NUS1: variants seen among roughly 807,000 people sequenced by gnomAD.
NUS1 encodes the protein dehydrodolichyl diphosphate synthase complex subunit NUS1.
For missense variants in NUS1, 292 were observed against 382.9 expected (o/e 0.76, Z 1.98); for synonymous variants, 135 against 155.2 (o/e 0.87, Z 0.97).
At chr6:117,693,395 G>T (rs1398339706) in intron 2 of NUS1, among the ~76,000 whole-genome samples, 1 of 152,096 alleles carries the variant, frequency 6.6e-6, no homozygotes, top group Admixed American at 6.5e-5. Context: ...GTTCCACAGA[G>T]AATCCATAGA....
chr6:117,683,262 G>GTA (rs1312184967), intron 1 of NUS1, among the ~76,000 whole-genome samples: 7 of 152,122 alleles, frequency 4.6e-5, no homozygotes, highest in African/African-American at 1.7e-4. Flanking sequence ...TCTTACTACA[G>GTA]CACTGCAGTA....
At chr6:117,705,168 T>C (rs1258676009) in intron 4 of NUS1, among the ~76,000 whole-genome samples, 3 of 152,186 alleles carry the variant, frequency 2.0e-5, no homozygotes, top group Non-Finnish European at 2.9e-5. Flanking sequence ...AGAGACATTG[T>C]TCAAGCTTGT....
intron 1 of NUS1, among the ~76,000 whole-genome samples, chr6:117,688,446 G>A (rs1477718558): frequency 1.1e-5 from 1 of 88,748 alleles, no homozygotes; most frequent in Non-Finnish European, 3.0e-5. Flanking sequence ...TCAAGAAGGA[G>A]GACTTTTTTT....
At chr6:117,703,542 CTGTGTG>C in intron 3 of NUS1, 57 bp from the exon 4 acceptor site, 4 of 1,100,752 alleles carry the variant, frequency 3.6e-6, no homozygotes, top group South Asian at 1.3e-5. Context: ...CTGTGTGTTT[CTGTGTG>C]TGTGTGTGTG....
At chr6:117,695,767 T>C (rs564841384) in intron 3 of NUS1, among the ~76,000 whole-genome samples, 12 of 152,314 alleles carry the variant, frequency 7.9e-5, no homozygotes, top group Admixed American at 2.0e-4. Flanking sequence ...TTTCTGACTA[T>C]ACTTTCGCTT....
chr6:117,676,064 A>G lies in NUS1; in HGVS notation c.394A>G (p.Ile132Val), dbSNP rs760775977. ...GTGTATGGCCGTGGGCATCTCCTAC[A>G]TTAGCGTCTACGACCACCAAGGTGA... is the stretch of plus-strand genomic sequence containing the variant. ...VWCMAVGISY[I>V]SVYDHQGIFK... The change falls in exon 1 of 5, where the codon ATT (isoleucine) becomes GTT (valine). Residue 132 changes from isoleucine (I) to valine (V), a missense_variant. Physicochemically the swap from Ile to Val is conservative, Grantham distance 29 (BLOSUM62 3). Coordinates refer to ENST00000368494, the MANE Select transcript of NUS1 (RefSeq NM_138459.5). 7.1e-6 allele frequency: 11 copies of G among 1,550,676 alleles called. No homozygotes were observed. In the South Asian group the frequency reaches 7.1e-5, roughly 10 times the overall value.
chr6:117,680,868 T>A (rs906228826), intron 1 of NUS1, among the ~76,000 whole-genome samples: 1 of 152,336 alleles, frequency 6.6e-6, no homozygotes, highest in Admixed American at 6.5e-5. Flanking sequence ...TTTCTAGTGC[T>A]ATTTCCTTAG....
intron 1 of NUS1, among the ~76,000 whole-genome samples, chr6:117,677,064 T>A (rs997731025): frequency 2.0e-5 from 3 of 152,152 alleles, no homozygotes; most frequent in Non-Finnish European, 4.4e-5. Flanking sequence ...CTCTCATATG[T>A]TTTGATTGAG....
At chr6:117,684,771 C>G (rs1054217019) in intron 1 of NUS1, among the ~76,000 whole-genome samples, 2 of 152,018 alleles carry the variant, frequency 1.3e-5, no homozygotes, top group South Asian at 2.1e-4. Flanking sequence ...TAGCAATCAC[C>G]TGGGGAAGTA....
chr6:117,701,284 G>T (rs1320600018), intron 3 of NUS1, among the ~76,000 whole-genome samples: 5 of 141,430 alleles, frequency 3.5e-5, no homozygotes, highest in East Asian at 4.2e-4. Flanking sequence ...TCGCTCTGTC[G>T]CCCAGGCTGG....
intron 1 of NUS1, among the ~76,000 whole-genome samples, chr6:117,686,972 G>A (rs1183894041): frequency 6.6e-6 from 1 of 151,870 alleles, no homozygotes; most frequent in East Asian, 1.9e-4. Flanking sequence ...ATTTCTGGGT[G>A]GGGGTCAAGT....
chr6:117,681,204 T>A (rs35957877), intron 1 of NUS1, among the ~76,000 whole-genome samples: 4,282 of 152,320 alleles, frequency 0.028, 70 homozygotes, highest in Non-Finnish European at 0.04. Context: ...CTGAATCTCC[T>A]CAGAACTTCA....
intron 1 of NUS1, among the ~76,000 whole-genome samples, chr6:117,679,299 C>T (rs893762047): frequency 2.6e-5 from 4 of 152,118 alleles, no homozygotes; most frequent in African/African-American, 4.8e-5. Context: ...TTGGGATTGG[C>T]GTGAACAGTG....
chr6:117,702,883 G>A (rs1450904283), intron 3 of NUS1, among the ~76,000 whole-genome samples: 1 of 151,996 alleles, frequency 6.6e-6, no homozygotes, highest in Non-Finnish European at 1.5e-5. Context: ...TTAGTCTCTT[G>A]GATTATAGTA....
chr6:117,690,397 A>C (rs1773198616), intron 1 of NUS1, among the ~76,000 whole-genome samples: 1 of 152,172 alleles, frequency 6.6e-6, no homozygotes, highest in South Asian at 2.1e-4. Context: ...GTCCCACGTT[A>C]AGGAGGCTGA....
intron 1 of NUS1, among the ~76,000 whole-genome samples, chr6:117,678,242 G>T (rs2114676586): frequency 6.6e-6 from 1 of 152,176 alleles, no homozygotes; most frequent in Non-Finnish European, 1.5e-5. Flanking sequence ...TGTAAAATCA[G>T]TTTTTTTGTT....
In NUS1 at chr6:117,703,596, A is replaced by G. The variant is rs1773459703; in HGVS notation, c.692-9A>G. 1 of 1,600,898 alleles carries G rather than the reference A, an allele frequency of 6.2e-7. No homozygotes were observed. The highest frequency in any genetic ancestry group is 1.1e-5 in the South Asian group (1 of 90,792). ...ATGTTAAGTTCATGTGTATTTATTT[A>G]TTTCCAAGGTTCAAATGGTTGTCCT... On this transcript the variant is annotated splice_polypyrimidine_tract_variant and intron_variant, in intron 3 of 4. Coordinates refer to ENST00000368494, the MANE Select transcript of NUS1 (RefSeq NM_138459.5).
At chr6:117,706,419 C>T (rs543955837) in intron 4 of NUS1, among the ~76,000 whole-genome samples, 2 of 152,250 alleles carry the variant, frequency 1.3e-5, no homozygotes, top group African/African-American at 4.8e-5. Flanking sequence ...TAAATGAGAT[C>T]CTTTATACAT....
At chr6:117,691,588 G>C (rs1320441426) in intron 1 of NUS1, among the ~76,000 whole-genome samples, 1 of 119,600 alleles carries the variant, frequency 8.4e-6, no homozygotes, top group Non-Finnish European at 1.8e-5. Context: ...TATATATATA[G>C]TTCAAAATAT....
Sources: gnomAD v4.1 joint callset for allele counts (sites outside exome capture counted in the v4.1 genomes callset) on GRCh38, gnomAD v4.1.1 for gene constraint, MANE v1.5 for transcripts, NCBI Gene and HGNC (gene_info 2026-07-23, HGNC 2026-07-21) for gene names.